Variants in NDUFS4 observed in about 807,000 individuals in gnomAD.
NDUFS4 encodes NADH:ubiquinone oxidoreductase subunit S4.
NDUFS4 carries 28 observed loss-of-function variants against 24.3 expected under a neutral mutation model. That is an observed-to-expected ratio of 1.15 (90% confidence interval 0.85 to 1.58). The LOEUF is 1.58. Ranked by LOEUF, NDUFS4 falls within the 40% of genes most tolerant of loss-of-function variation. The pLI is 0.00. For synonymous variants in NDUFS4, 93 were observed against 69.7 expected (o/e 1.34, Z -1.67); for missense variants, 223 against 207.9 (o/e 1.07, Z -0.45).
At chr5:53,578,099 A>T (rs1307764384) in intron 1 of NDUFS4, among the ~76,000 whole-genome samples, 1 of 152,202 alleles carries the variant, frequency 6.6e-6, no homozygotes, top group Non-Finnish European at 1.5e-5. Context: ...ATGTCTCAGC[A>T]TACCATTTTA....
chr5:53,681,425 C>G (rs567270835), intron 4 of NDUFS4, among the ~76,000 whole-genome samples: 1 of 152,196 alleles, frequency 6.6e-6, no homozygotes, highest in South Asian at 2.1e-4. Flanking sequence ...ATTATCACAT[C>G]CTTATGAAGT....
intron 3 of NDUFS4, among the ~76,000 whole-genome samples, chr5:53,656,991 C>T (rs1752180392): frequency 6.6e-6 from 1 of 152,070 alleles, no homozygotes; most frequent in Non-Finnish European, 1.5e-5. Context: ...AATGTTGTTA[C>T]TATTGGATAT....
chr5:53,642,616 A>G (rs1561381684), intron 2 of NDUFS4, among the ~76,000 whole-genome samples: 1 of 152,132 alleles, frequency 6.6e-6, no homozygotes. Context: ...TAAAGAAAAA[A>G]AAAGTTGAAA....
intron 1 of NDUFS4, among the ~76,000 whole-genome samples, chr5:53,584,171 C>T (rs1445736873): frequency 6.6e-6 from 1 of 152,022 alleles, no homozygotes. Flanking sequence ...ATTGGCATTG[C>T]GATTATTGTT....
chr5:53,604,743 G>GT (rs1476178430), intron 2 of NDUFS4: 3 of 456,134 alleles, frequency 6.6e-6, no homozygotes, highest in Non-Finnish European at 1.3e-5. Flanking sequence ...GTACCACTGT[G>GT]TTTTACATTC....
At chr5:53,588,832 T>C (rs570652048) in intron 1 of NDUFS4, among the ~76,000 whole-genome samples, 51 of 152,288 alleles carry the variant, frequency 3.3e-4, no homozygotes, top group Non-Finnish European at 5.4e-4. Context: ...GAATTCACTT[T>C]TTATTTTATT....
At chr5:53,588,748 C>T (rs545349649) in intron 1 of NDUFS4, among the ~76,000 whole-genome samples, 1 of 152,308 alleles carries the variant, frequency 6.6e-6, no homozygotes, top group Non-Finnish European at 1.5e-5. Flanking sequence ...CTTGTACCAA[C>T]TAGCTTTCCC....
chr5:53,651,995 G>A (rs1424241178), intron 3 of NDUFS4, among the ~76,000 whole-genome samples: 1 of 151,960 alleles, frequency 6.6e-6, no homozygotes, highest in Admixed American at 6.6e-5. Context: ...GGATGGTCTC[G>A]ATCTCTTGAC....
intron 4 of NDUFS4, among the ~76,000 whole-genome samples, chr5:53,680,160 T>A (rs910875125): frequency 6.6e-6 from 1 of 152,076 alleles, no homozygotes; most frequent in South Asian, 2.1e-4. Context: ...GGCTGTTTAT[T>A]TTCTCGATAT....
At chr5:53,646,890 A>T (rs184537323) in intron 3 of NDUFS4, among the ~76,000 whole-genome samples, 1 of 152,068 alleles carries the variant, frequency 6.6e-6, no homozygotes, top group Non-Finnish European at 1.5e-5. Flanking sequence ...TCATAGGTCT[A>T]TGTGTTTAGG....
At chr5:53,610,918 A>G (rs1750673706) in intron 2 of NDUFS4, among the ~76,000 whole-genome samples, 1 of 152,116 alleles carries the variant, frequency 6.6e-6, no homozygotes. Context: ...GGCAACTTTA[A>G]ATTTAGGTTG....
At chr5:53,582,707 T>C (rs1749612925) in intron 1 of NDUFS4, among the ~76,000 whole-genome samples, 1 of 152,238 alleles carries the variant, frequency 6.6e-6, no homozygotes, top group Admixed American at 6.5e-5. Context: ...TACTTGTCTG[T>C]GTTTCTCTTT....
At chr5:53,603,959 A>G (rs1354834656) in intron 2 of NDUFS4, among the ~76,000 whole-genome samples, 1 of 152,166 alleles carries the variant, frequency 6.6e-6, no homozygotes, top group Non-Finnish European at 1.5e-5. Flanking sequence ...TATGCATACA[A>G]ACACATACAC....
At chr5:53,678,300 A>T (rs1430951916) in intron 4 of NDUFS4, among the ~76,000 whole-genome samples, 1 of 152,168 alleles carries the variant, frequency 6.6e-6, no homozygotes, top group Non-Finnish European at 1.5e-5. Context: ...TAAAGTTCAG[A>T]CTATTTTGTG....
At chr5:53,641,033 A>G (rs959741768) in intron 2 of NDUFS4, among the ~76,000 whole-genome samples, 1 of 152,190 alleles carries the variant, frequency 6.6e-6, no homozygotes, top group Non-Finnish European at 1.5e-5. Flanking sequence ...TCTTGAGGAC[A>G]GAGATCATGT....
chr5:53,661,272 G>T lies in NDUFS4; in HGVS notation c.424+2648G>T, dbSNP rs551309598. Among the ~76,000 whole-genome samples, 42 of 152,174 alleles carry T rather than the reference G, an allele frequency of 2.8e-4. 1 individual carries two copies. In the South Asian group the frequency reaches 8.3e-3, roughly 30 times the overall value. ...TTAAATAGGGAATCCTTTCCCCATT[G>T]CTTGTTTTTGTCAGGTTTGTCAAAG... On this transcript the variant is annotated intron_variant, in intron 4 of 4. Coordinates refer to ENST00000296684, the MANE Select transcript of NDUFS4 (RefSeq NM_002495.4).
chr5:53,602,432 A>G (rs1386340492), intron 1 of NDUFS4, among the ~76,000 whole-genome samples: 1 of 152,152 alleles, frequency 6.6e-6, no homozygotes, highest in Admixed American at 6.6e-5. Flanking sequence ...TTTAAAGTAT[A>G]TTCATAAAGC....
chr5:53,623,192 A>G (rs1674956391), intron 2 of NDUFS4, among the ~76,000 whole-genome samples: 2 of 152,184 alleles, frequency 1.3e-5, no homozygotes, highest in South Asian at 4.1e-4. Flanking sequence ...GAGGAACTAC[A>G]TACTGTTTTC....
chr5:53,663,455 C>T (rs1038308506), intron 4 of NDUFS4, among the ~76,000 whole-genome samples: 3 of 152,016 alleles, frequency 2.0e-5, no homozygotes, highest in East Asian at 3.9e-4. Flanking sequence ...ATTGTTATTG[C>T]GTGGGAGTCT....
Sources: allele counts gnomAD v4.1 joint callset (sites outside exome capture counted in the v4.1 genomes callset), GRCh38; gene constraint gnomAD v4.1.1; transcripts MANE v1.5; gene names NCBI Gene and HGNC (gene_info 2026-07-23, HGNC 2026-07-21).